Variants in SBF2 observed in about 807,000 individuals in gnomAD.
The protein encoded by SBF2 is myotubularin-related protein 13.
A neutral mutation model predicts 225.2 loss-of-function variants in SBF2; 112 were observed. The ratio of observed to expected loss-of-function variants is 0.50; its 90% CI spans 0.43 to 0.58. The LOEUF (loss-of-function observed/expected upper bound fraction) is 0.58, where lower values mean the gene tolerates loss of function less well. SBF2 is among the 20% of genes least tolerant of loss of function. The pLI, the probability that SBF2 is intolerant of heterozygous loss-of-function variation, is 0.00. For missense variants in SBF2, 1,996 were observed against 2,206.2 expected (o/e 0.90, Z 1.91); for synonymous variants, 763 against 773.3 (o/e 0.99, Z 0.22).
chr11:10,213,529 T>C (rs185110071), intron 1 of SBF2, among the ~76,000 whole-genome samples: 2 of 152,356 alleles, frequency 1.3e-5, no homozygotes, highest in African/African-American at 2.4e-5. Context: ...ATCAATTGCA[T>C]AGGTTTTTGC....
chr11:10,052,399 C>A (rs1950095596), intron 2 of SBF2, among the ~76,000 whole-genome samples: 1 of 152,148 alleles, frequency 6.6e-6, no homozygotes, highest in South Asian at 2.1e-4. Context: ...ACATACCATG[C>A]CCATAAAAAT....
chr11:10,010,991 T>C (rs2134553044), intron 6 of SBF2, among the ~76,000 whole-genome samples: 1 of 152,346 alleles, frequency 6.6e-6, no homozygotes, highest in East Asian at 1.9e-4. Flanking sequence ...TTTTATTCTC[T>C]TTGTAACAAT....
At chr11:9,818,893 T>C (rs997908821) in intron 28 of SBF2, among the ~76,000 whole-genome samples, 6 of 151,678 alleles carry the variant, frequency 4.0e-5, no homozygotes, top group Non-Finnish European at 8.8e-5. Flanking sequence ...GGCTAATTTT[T>C]GTATTTTTAG....
At chr11:10,166,288 C>A (rs906941431) in intron 2 of SBF2, among the ~76,000 whole-genome samples, 8 of 152,136 alleles carry the variant, frequency 5.3e-5, no homozygotes, top group African/African-American at 1.9e-4. Flanking sequence ...TTCCAAACCT[C>A]AAGACTTCAT....
chr11:10,146,655 A>G (rs1287722861), intron 2 of SBF2, among the ~76,000 whole-genome samples: 1 of 152,224 alleles, frequency 6.6e-6, no homozygotes, highest in Non-Finnish European at 1.5e-5. Flanking sequence ...TTCTAAATAT[A>G]GGAACTGGCA....
intron 17 of SBF2, among the ~76,000 whole-genome samples, chr11:9,860,071 G>C (rs1442744444): frequency 6.6e-6 from 1 of 152,120 alleles, no homozygotes; most frequent in African/African-American, 2.4e-5. Flanking sequence ...GGGAAATCAT[G>C]AACAAAATGT....
intron 16 of SBF2, among the ~76,000 whole-genome samples, chr11:9,897,515 T>G (rs1449690735): frequency 2.0e-5 from 3 of 152,096 alleles, no homozygotes; most frequent in Admixed American, 6.6e-5. Flanking sequence ...GCCCGGCGGA[T>G]AGATATTTTC....
intron 6 of SBF2, among the ~76,000 whole-genome samples, chr11:10,010,551 T>C (rs961597019): frequency 4.6e-5 from 7 of 152,180 alleles, no homozygotes; most frequent in African/African-American, 1.4e-4. Flanking sequence ...TGGTTGTAGA[T>C]GTATGGTGTT....
intron 2 of SBF2, among the ~76,000 whole-genome samples, chr11:10,090,008 G>C (rs1309157512): frequency 6.6e-6 from 1 of 152,114 alleles, no homozygotes; most frequent in African/African-American, 2.4e-5. Context: ...TCTTAAGATG[G>C]CCGGAAATTC....
intron 2 of SBF2, among the ~76,000 whole-genome samples, chr11:10,187,467 G>A (rs894915668): frequency 2.0e-5 from 3 of 152,102 alleles, no homozygotes; most frequent in Non-Finnish European, 4.4e-5. Flanking sequence ...GTAGCAGGGG[G>A]ACCCCTGCCT....
At chr11:10,170,045 TA>T (rs1956125342) in intron 2 of SBF2, among the ~76,000 whole-genome samples, 1 of 152,124 alleles carries the variant, frequency 6.6e-6, no homozygotes, top group Non-Finnish European at 1.5e-5. Context: ...TTTTTTTCAC[TA>T]CACAGTTGTT....
At chr11:10,125,227 T>C (rs1271604692) in intron 2 of SBF2, among the ~76,000 whole-genome samples, 2 of 152,120 alleles carry the variant, frequency 1.3e-5, no homozygotes. Context: ...TGAAACATAC[T>C]GTACATCTCA....
intron 1 of SBF2, among the ~76,000 whole-genome samples, chr11:10,269,519 C>T (rs1178610302): frequency 2.6e-5 from 4 of 152,128 alleles, no homozygotes; most frequent in African/African-American, 4.8e-5. Flanking sequence ...ATCCTTGACC[C>T]GGCAGTTCCA....
intron 2 of SBF2, among the ~76,000 whole-genome samples, chr11:10,122,088 T>G (rs529858196): frequency 9.2e-5 from 14 of 152,268 alleles, no homozygotes; most frequent in Admixed American, 6.5e-4. Flanking sequence ...AGTGTAAAAG[T>G]GAAAATTCTC....
intron 2 of SBF2, among the ~76,000 whole-genome samples, chr11:10,108,433 AG>A (rs1952656110): frequency 6.6e-6 from 1 of 151,962 alleles, no homozygotes; most frequent in South Asian, 2.1e-4. Flanking sequence ...TTATAGATCC[AG>A]GGCAGTTTGG....
chr11:10,056,963 C>T (rs750954678), intron 2 of SBF2, among the ~76,000 whole-genome samples: 2 of 152,060 alleles, frequency 1.3e-5, no homozygotes, highest in Non-Finnish European at 2.9e-5. Flanking sequence ...TTCCTCCTCA[C>T]TGGGTGGGAC....
chr11:10,288,658 A>G lies in SBF2; in HGVS notation c.55+5357T>C, dbSNP rs545776603. 2.6e-5 allele frequency among the ~76,000 whole-genome samples: 4 copies of G among 152,140 alleles called. No individual in the cohort carries two copies. In the South Asian group the frequency reaches 8.3e-4, roughly 32 times the overall value. ...CCATCATCTCTTCAGCTCTCAGCAG[A>G]GAGGAGGCCCTACAGTGGGAAGCTC... is the stretch of plus-strand genomic sequence containing the variant. On this transcript the variant is annotated intron_variant, in intron 1 of 39. Coordinates refer to ENST00000256190, the MANE Select transcript of SBF2 (RefSeq NM_030962.4).
chr11:10,211,285 C>T (rs1250667988), intron 1 of SBF2, among the ~76,000 whole-genome samples: 2 of 152,146 alleles, frequency 1.3e-5, no homozygotes, highest in Non-Finnish European at 2.9e-5. Flanking sequence ...ACAAATTCCA[C>T]ATAGCAACCA....
intron 15 of SBF2, among the ~76,000 whole-genome samples, chr11:9,962,842 A>C (rs1866666501): frequency 6.6e-6 from 1 of 152,218 alleles, no homozygotes. Flanking sequence ...GGTGGGTATA[A>C]GAAATAGGAT....
Sources: gnomAD v4.1 joint callset for allele counts (sites outside exome capture counted in the v4.1 genomes callset) on GRCh38, gnomAD v4.1.1 for gene constraint, MANE v1.5 for transcripts, NCBI Gene and HGNC (gene_info 2026-07-23, HGNC 2026-07-21) for gene names.